The following OR51B5 variants were observed in gnomAD, a reference collection of about 807,000 sequenced individuals.
The protein encoded by OR51B5 is olfactory receptor 51B5.
For missense variants in OR51B5, 456 were observed against 374.6 expected (o/e 1.22, Z -1.79); for synonymous variants, 186 against 144.8 (o/e 1.28, Z -2.04).
chr11:5,450,622 T>C (rs1047436500), intron 1 of OR51B5, among the ~76,000 whole-genome samples: 3 of 152,124 alleles, frequency 2.0e-5, no homozygotes, highest in Non-Finnish European at 4.4e-5. Flanking sequence ...ACAGGTACTT[T>C]TGTGTAATTT....
At chr11:5,403,142 G>T (rs1177684818) in intron 1 of OR51B5, 1 of 468,756 alleles carries the variant, frequency 2.1e-6, no homozygotes, top group African/African-American at 2.1e-5. Flanking sequence ...CATTCCTATT[G>T]TCTGCACCCC....
At chr11:5,406,725 G>A (rs1275643592) in intron 1 of OR51B5, among the ~76,000 whole-genome samples, 2 of 152,130 alleles carry the variant, frequency 1.3e-5, no homozygotes, top group African/African-American at 4.8e-5. Context: ...TGACTTGAGA[G>A]AGCATTCAAG....
intron 1 of OR51B5, among the ~76,000 whole-genome samples, chr11:5,350,816 T>G (rs1849069770): frequency 6.6e-6 from 1 of 152,096 alleles, no homozygotes; most frequent in African/African-American, 2.4e-5. Flanking sequence ...CAACTTAGAG[T>G]TCTATGTGCT....
At chr11:5,388,511 C>T (rs1016186915) in intron 1 of OR51B5, among the ~76,000 whole-genome samples, 1 of 146,676 alleles carries the variant, frequency 6.8e-6, no homozygotes, top group South Asian at 2.3e-4. Flanking sequence ...GTTTTTATTC[C>T]AGGAAGAATG....
At chr11:5,462,786 G>C (rs952417824) in intron 1 of OR51B5, among the ~76,000 whole-genome samples, 1 of 152,278 alleles carries the variant, frequency 6.6e-6, no homozygotes, top group Admixed American at 6.5e-5. Context: ...TCTACTTGTA[G>C]GTGCTTGTAC....
intron 1 of OR51B5, among the ~76,000 whole-genome samples, chr11:5,367,042 C>G (rs1365358704): frequency 6.6e-6 from 1 of 152,152 alleles, no homozygotes; most frequent in Non-Finnish European, 1.5e-5. Context: ...ATAAAATTCT[C>G]TAGCAGCAGA....
chr11:5,407,756 TC>T (rs560965913), intron 1 of OR51B5, among the ~76,000 whole-genome samples: 272 of 152,132 alleles, frequency 1.8e-3, no homozygotes, highest in Admixed American at 3.2e-3. Flanking sequence ...ACTTTTAATA[TC>T]TGTACTTTAT....
intron 1 of OR51B5, among the ~76,000 whole-genome samples, chr11:5,396,900 T>C (rs1391970801): frequency 1.3e-5 from 2 of 152,054 alleles, no homozygotes; most frequent in African/African-American, 4.8e-5. Context: ...AATAATGCTG[T>C]CTATCTACAA....
At chr11:5,492,114 G>A (rs1269563884) in intron 1 of OR51B5, among the ~76,000 whole-genome samples, 2 of 152,018 alleles carry the variant, frequency 1.3e-5, no homozygotes, top group South Asian at 2.1e-4. Flanking sequence ...TCAATTTTAA[G>A]TAATTCAGCA....
At chr11:5,444,653 G>A (rs1850736301) in intron 1 of OR51B5, among the ~76,000 whole-genome samples, 1 of 152,122 alleles carries the variant, frequency 6.6e-6, no homozygotes, top group Non-Finnish European at 1.5e-5. Flanking sequence ...ACTATGCTGT[G>A]GGTACAGCTG....
At position 5,450,249 on chromosome 11, in the gene OR51B5, C is replaced by T. The variant is rs1487132716; in HGVS notation, n.84+55320G>A. Reference sequence around the variant, plus strand: ...ATTAAAAATACAAAAATTAGCCAGGCGTGGTGGCAGGCGCCTGTAATTCCA... The same window carrying T: ...ATTAAAAATACAAAAATTAGCCAGGTGTGGTGGCAGGCGCCTGTAATTCCA... On this transcript the variant is annotated intron_variant and non_coding_transcript_variant, in intron 1 of 4. Coordinates refer to the OR51B5 transcript ENST00000415970. 3.3e-5 allele frequency among the ~76,000 whole-genome samples: 5 copies of T among 152,102 alleles called. No homozygotes were observed. In the East Asian group the frequency reaches 5.8e-4, roughly 18 times the overall value.
At chr11:5,350,726 A>T (rs1056990920) in intron 1 of OR51B5, among the ~76,000 whole-genome samples, 4 of 152,202 alleles carry the variant, frequency 2.6e-5, no homozygotes, top group African/African-American at 9.6e-5. Flanking sequence ...TCCACATTTT[A>T]CTGTTTATTC....
At chr11:5,422,666 C>G (rs748060376) in intron 1 of OR51B5, 3 of 1,614,098 alleles carry the variant, frequency 1.9e-6, no homozygotes, top group Non-Finnish European at 2.5e-6. Flanking sequence ...CTGCTGTGTT[C>G]TGGCGGTTCT....
intron 1 of OR51B5, among the ~76,000 whole-genome samples, chr11:5,396,264 A>C (rs1201390678): frequency 6.6e-6 from 1 of 152,224 alleles, no homozygotes; most frequent in Non-Finnish European, 1.5e-5. Flanking sequence ...CAATTATGTA[A>C]AGAGAAAGTC....
intron 1 of OR51B5, among the ~76,000 whole-genome samples, chr11:5,395,998 G>C (rs1314410393): frequency 1.3e-5 from 2 of 152,204 alleles, no homozygotes; most frequent in Non-Finnish European, 2.9e-5. Context: ...GGAGTAGGTA[G>C]AATTGTCTCA....
At chr11:5,499,975 T>C (rs887104338) in intron 1 of OR51B5, among the ~76,000 whole-genome samples, 4 of 152,244 alleles carry the variant, frequency 2.6e-5, no homozygotes, top group Non-Finnish European at 4.4e-5. Flanking sequence ...GAATTGCCTT[T>C]TATTTTGGCA....
At chr11:5,439,158 A>C (rs2133774246) in intron 1 of OR51B5, among the ~76,000 whole-genome samples, 1 of 151,326 alleles carries the variant, frequency 6.6e-6, no homozygotes, top group East Asian at 1.9e-4. Flanking sequence ...CTAAAGTTGG[A>C]GTTTGCCTGA....
At position 5,435,629 on chromosome 11, in the gene OR51B5, T is replaced by C. The variant is rs576222607; in HGVS notation, n.84+69940A>G. 1.3e-4 allele frequency among the ~76,000 whole-genome samples: 10 copies of C among 75,706 alleles called. No homozygotes were observed. In the South Asian group the frequency reaches 3.8e-3, roughly 28 times the overall value. 49.7% of individuals were successfully genotyped at this position (75,706 alleles called of 152,430 possible). On this transcript the variant is annotated intron_variant and non_coding_transcript_variant, in intron 1 of 4. Coordinates refer to the OR51B5 transcript ENST00000415970. ...ATAGTATCTGAGGTTTCCATGGTGATATCCTGTAATCTTTCCTTCTTCTCT... is the reference window on the plus strand; with the variant it reads ...ATAGTATCTGAGGTTTCCATGGTGACATCCTGTAATCTTTCCTTCTTCTCT...
chr11:5,475,666 CCTTT>C (rs1851294669), intron 1 of OR51B5, among the ~76,000 whole-genome samples: 1 of 152,084 alleles, frequency 6.6e-6, no homozygotes, highest in African/African-American at 2.4e-5. Context: ...GCATTTATTG[CCTTT>C]CTTCTATGTT....
Sources: allele counts gnomAD v4.1 joint callset (sites outside exome capture counted in the v4.1 genomes callset), GRCh38; gene constraint gnomAD v4.1.1; transcripts MANE v1.5; gene names NCBI Gene and HGNC (gene_info 2026-07-23, HGNC 2026-07-21).